AKAP6: variants seen among roughly 807,000 people sequenced by gnomAD.
The protein encoded by AKAP6 is A-kinase anchor protein 6.
In AKAP6, 58 loss-of-function variants were observed where a neutral mutation model predicts 188.5. That is an observed-to-expected ratio of 0.31 (90% CI 0.25 to 0.38). The LOEUF is 0.38. Ranked by LOEUF, AKAP6 falls within the 10% of genes least tolerant of loss-of-function variation. AKAP6 has a pLI of 1.00. For missense variants in AKAP6, 2,710 were observed against 2,740.0 expected, an observed-to-expected ratio of 0.99 and a Z score of 0.24; for synonymous variants, 989 against 998.6, an observed-to-expected ratio of 0.99 and a Z score of 0.18.
intron 1 of AKAP6, among the ~76,000 whole-genome samples, chr14:32,413,574 A>T (rs3784184): frequency 6.6e-6 from 1 of 151,914 alleles, no homozygotes; most frequent in Non-Finnish European, 1.5e-5. Flanking sequence ...TTCCTGGGCC[A>T]ATTCCTCCCC....
intron 4 of AKAP6, among the ~76,000 whole-genome samples, chr14:32,570,571 T>A (rs148551121): frequency 0.017 from 2,575 of 152,326 alleles, 27 homozygotes; most frequent in Non-Finnish European, 0.023. Flanking sequence ...TGATTTTTTT[T>A]AAATAATCAC....
chr14:32,730,530 T>A (rs1003262762), intron 9 of AKAP6, among the ~76,000 whole-genome samples: 1 of 152,120 alleles, frequency 6.6e-6, no homozygotes, highest in East Asian at 1.9e-4. Flanking sequence ...ACTGATGTGC[T>A]GTGTGAGAGC....
chr14:32,683,744 G>A (rs977864730), intron 8 of AKAP6, among the ~76,000 whole-genome samples: 13 of 152,200 alleles, frequency 8.5e-5, no homozygotes, highest in African/African-American at 3.1e-4. Flanking sequence ...GAATCACTAA[G>A]TGATGCCCAG....
In AKAP6 at chr14:32,399,170, C is replaced by G. The variant is rs564247574; in HGVS notation, c.-34-34290C>G. The stretch of plus-strand genomic sequence containing the variant: ...TGCCTGGCCTGCCCTTATATTTCTA[C>G]AAGTTACTAGAAATAAATTTTAAAT... On this transcript the variant is annotated intron_variant, in intron 1 of 13. Coordinates refer to ENST00000280979, the MANE Select transcript of AKAP6 (RefSeq NM_004274.5). 3.3e-5 allele frequency among the ~76,000 whole-genome samples: 5 copies of G among 152,174 alleles called. No homozygotes were observed. In the South Asian group the frequency reaches 1.0e-3, roughly 32 times the overall value.
At chr14:32,779,600 A>T (rs1445741861) in intron 12 of AKAP6, among the ~76,000 whole-genome samples, 1 of 152,132 alleles carries the variant, frequency 6.6e-6, no homozygotes, top group Non-Finnish European at 1.5e-5. Flanking sequence ...AATGATAAAG[A>T]TGCCAATTAA....
intron 1 of AKAP6, among the ~76,000 whole-genome samples, chr14:32,386,068 T>G (rs2138568613): frequency 6.6e-6 from 1 of 151,608 alleles, no homozygotes. Flanking sequence ...GGTTTCACGT[T>G]TCTGCAAAGT....
chr14:32,429,869 A>G (rs990227915), intron 1 of AKAP6, among the ~76,000 whole-genome samples: 1 of 152,158 alleles, frequency 6.6e-6, no homozygotes, highest in African/African-American at 2.4e-5. Flanking sequence ...CTCATATAGG[A>G]TGCACATCTT....
At chr14:32,351,437 C>A (rs976013730) in intron 1 of AKAP6, among the ~76,000 whole-genome samples, 1 of 152,110 alleles carries the variant, frequency 6.6e-6, no homozygotes. Context: ...TGGCACACAC[C>A]TGTAGTCCCA....
intron 3 of AKAP6, among the ~76,000 whole-genome samples, chr14:32,543,995 G>A (rs1195187855): frequency 6.6e-6 from 1 of 152,130 alleles, no homozygotes; most frequent in Non-Finnish European, 1.5e-5. Flanking sequence ...GAGAGTGAGT[G>A]GAGTAGGAGA....
intron 7 of AKAP6, among the ~76,000 whole-genome samples, chr14:32,602,857 C>T (rs541911393): frequency 2.6e-5 from 4 of 152,292 alleles, no homozygotes; most frequent in African/African-American, 9.6e-5. Context: ...TCGCAGAGCC[C>T]GTGTTCATCA....
chr14:32,451,426 T>C (rs1890931698), intron 2 of AKAP6, among the ~76,000 whole-genome samples: 1 of 152,230 alleles, frequency 6.6e-6, no homozygotes. Context: ...TTTATTTGTA[T>C]ACAGCTATTT....
intron 4 of AKAP6, among the ~76,000 whole-genome samples, chr14:32,564,102 G>A (rs75052073): frequency 0.04 from 6,010 of 152,052 alleles, 384 homozygotes; most frequent in African/African-American, 0.14. Flanking sequence ...TTATCACTAG[G>A]TTACTTGTAA....
intron 2 of AKAP6, among the ~76,000 whole-genome samples, chr14:32,493,696 T>A (rs1007591395): frequency 2.0e-5 from 3 of 152,166 alleles, no homozygotes; most frequent in Non-Finnish European, 4.4e-5. Context: ...GGGGGTAGCT[T>A]GCTGAACCCA....
intron 7 of AKAP6, among the ~76,000 whole-genome samples, chr14:32,638,229 A>G (rs1887599147): frequency 6.6e-6 from 1 of 152,040 alleles, no homozygotes; most frequent in African/African-American, 2.4e-5. Flanking sequence ...AAAAGACATA[A>G]GAAGGTCTCT....
intron 1 of AKAP6, among the ~76,000 whole-genome samples, chr14:32,371,917 C>T (rs1888019404): frequency 6.6e-6 from 1 of 152,114 alleles, no homozygotes; most frequent in African/African-American, 2.4e-5. Context: ...AGTACTCTTT[C>T]ACTCCTATTT....
rs189949501 is a variant in AKAP6, at chr14:32,744,304, T to C, written c.3372+8422T>C. Among the ~76,000 whole-genome samples, 52 of 151,754 alleles carry C rather than the reference T, an allele frequency of 3.4e-4. No homozygotes were observed. The South Asian group carries it at 0.011, about 31-fold the overall frequency. On this transcript the variant is annotated intron_variant, in intron 11 of 13. Transcript: ENST00000280979. ...GGTGTTATATTCTGTTCTTTTTTTT[T>C]AATTATTTTATTTTATTTTATTTTA...
At chr14:32,745,485 CTCTCTCTCTCTG>C (rs772886525) in intron 11 of AKAP6, among the ~76,000 whole-genome samples, 13,475 of 143,778 alleles carry the variant, frequency 0.094, 670 homozygotes, top group Middle Eastern at 0.15. Context: ...CTCTCTCTCT[CTCTCTCTCTCTG>C]TCTCTCTCTC....
chr14:32,368,473 C>T (rs1351621278), intron 1 of AKAP6, among the ~76,000 whole-genome samples: 10 of 151,864 alleles, frequency 6.6e-5, no homozygotes, highest in Non-Finnish European at 8.8e-5. Context: ...TGGGCATACA[C>T]AGTGCGAGGA....
At chr14:32,508,868 C>T (rs1227244883) in intron 2 of AKAP6, among the ~76,000 whole-genome samples, 1 of 151,680 alleles carries the variant, frequency 6.6e-6, no homozygotes, top group Non-Finnish European at 1.5e-5. Context: ...GCTCTGTTGC[C>T]AGGCTGGAGT....
Sources: gnomAD v4.1 joint callset for allele counts (sites outside exome capture counted in the v4.1 genomes callset) on GRCh38, gnomAD v4.1.1 for gene constraint, MANE v1.5 for transcripts, NCBI Gene and HGNC (gene_info 2026-07-23, HGNC 2026-07-21) for gene names.